Variants in RYR3 observed in about 807,000 individuals in gnomAD.
RYR3 encodes brain ryanodine receptor-calcium release channel.
Under a neutral mutation model 584.3 loss-of-function variants are expected in RYR3, and 207 were observed. The observed-to-expected ratio is 0.35, with a 90% CI of 0.32 to 0.40. The LOEUF (loss-of-function observed/expected upper bound fraction) is 0.40. Ranked by LOEUF, RYR3 falls within the 10% of genes least tolerant of loss-of-function variation. The pLI, the probability that RYR3 is intolerant of heterozygous loss-of-function variation, is 1.00. For missense variants in RYR3, 5,616 were observed against 6,089.2 expected, an observed-to-expected ratio of 0.92 and a Z score of 2.59; for synonymous variants, 2,416 against 2,248.5, an observed-to-expected ratio of 1.07 and a Z score of -2.11.
intron 36 of RYR3, 83 bp from the exon 37 acceptor site, chr15:33,669,271 G>GT (rs2063674900): frequency 2.1e-6 from 2 of 970,384 alleles, no homozygotes; most frequent in South Asian, 1.8e-5. Context: ...TGAAAAGAAT[G>GT]TAAGTGTCTG....
chr15:33,736,781 C>T (rs2069506889), intron 49 of RYR3, among the ~76,000 whole-genome samples: 1 of 123,836 alleles, frequency 8.1e-6, no homozygotes, highest in African/African-American at 2.8e-5. Context: ...TGGAGTCTTG[C>T]TCTGTCACCC....
At chr15:33,598,634 A>AG in intron 16 of RYR3, among the ~76,000 whole-genome samples, 1 of 85,966 alleles carries the variant, frequency 1.2e-5, no homozygotes, top group Non-Finnish European at 2.7e-5. Flanking sequence ...GAAGCAGGAC[A>AG]AAAAAAAAAA....
At chr15:33,834,944 A>G in intron 86 of RYR3, 24 bp from the exon 87 acceptor site, 4 of 1,600,944 alleles carry the variant, frequency 2.5e-6, no homozygotes, top group Non-Finnish European at 2.6e-6. Flanking sequence ...TTTAAGTGAC[A>G]TAAGAATGTC....
chr15:33,442,802 T>C (rs2046338539), intron 1 of RYR3, among the ~76,000 whole-genome samples: 1 of 152,244 alleles, frequency 6.6e-6, no homozygotes, highest in African/African-American at 2.4e-5. Flanking sequence ...ACAGCCAAAA[T>C]AGATGCTGCA....
intron 97 of RYR3, 148 bp from the exon 98 acceptor site, chr15:33,854,618 C>G (rs2079451408): frequency 8.9e-7 from 1 of 1,125,662 alleles, no homozygotes; most frequent in African/African-American, 1.6e-5. Flanking sequence ...AGATGGGGCT[C>G]ACTTAGCAGA....
intron 65 of RYR3, among the ~76,000 whole-genome samples, chr15:33,781,393 T>C (rs1166396292): frequency 6.6e-6 from 1 of 152,236 alleles, no homozygotes; most frequent in Non-Finnish European, 1.5e-5. Context: ...CAATGTTTTC[T>C]TAAAATATTG....
intron 86 of RYR3, among the ~76,000 whole-genome samples, chr15:33,834,548 G>C (rs898817119): frequency 6.6e-6 from 1 of 151,852 alleles, no homozygotes; most frequent in Non-Finnish European, 1.5e-5. Flanking sequence ...GGAAACAATA[G>C]GTAGATGAGG....
intron 12 of RYR3, among the ~76,000 whole-genome samples, chr15:33,575,439 T>C (rs947852344): frequency 6.6e-6 from 1 of 151,958 alleles, no homozygotes; most frequent in African/African-American, 2.4e-5. Context: ...CACAGCAAAA[T>C]CAAATTAGAA....
chr15:33,310,982 C>A lies in RYR3; in HGVS notation c.-64C>A. 3.8e-6 allele frequency: 5 copies of A among 1,332,894 alleles called. No individual in the cohort carries two copies. The highest frequency in any genetic ancestry group is 4.2e-6 in the Non-Finnish European group (4 of 952,702). 82.6% of individuals were successfully genotyped at this position (1,332,894 alleles called of 1,614,324 possible). A position where few individuals can be genotyped will look rare whatever the true frequency, so the allele number is the denominator to read the frequency against. On this transcript the variant is annotated 5_prime_UTR_variant, in exon 1 of 104. Coordinates refer to ENST00000634891, the MANE Select transcript of RYR3 (RefSeq NM_001036.6). ...AGAGCGCAGCAGCAGTCAGCGCACG[C>A]CGAGCGGCTGCCGGGGGAAGCAGAG...
chr15:33,800,367 C>T (rs2075856284), intron 67 of RYR3, among the ~76,000 whole-genome samples: 1 of 152,140 alleles, frequency 6.6e-6, no homozygotes, highest in African/African-American at 2.4e-5. Flanking sequence ...TCTTAGTGAC[C>T]AAGACTTGCC....
At chr15:33,638,788 G>A (rs569736459) in intron 27 of RYR3, among the ~76,000 whole-genome samples, 15 of 152,322 alleles carry the variant, frequency 9.8e-5, no homozygotes, top group African/African-American at 3.6e-4. Flanking sequence ...AATACAGAAT[G>A]AAAAGTCTAT....
chr15:33,444,899 G>GTA (rs1237005830), intron 1 of RYR3, among the ~76,000 whole-genome samples: 1 of 147,682 alleles, frequency 6.8e-6, no homozygotes, highest in Non-Finnish European at 1.5e-5. Context: ...AAAACTTAAA[G>GTA]TATAAAAAAA....
At chr15:33,324,683 T>C (rs1291567451) in intron 1 of RYR3, among the ~76,000 whole-genome samples, 4 of 152,206 alleles carry the variant, frequency 2.6e-5, no homozygotes, top group Non-Finnish European at 5.9e-5. Flanking sequence ...TAGCATATAG[T>C]AGGTCTCTGT....
intron 1 of RYR3, among the ~76,000 whole-genome samples, chr15:33,463,556 A>G (rs2048216300): frequency 6.6e-6 from 1 of 152,176 alleles, no homozygotes; most frequent in African/African-American, 2.4e-5. Context: ...TTCTGGAGAA[A>G]AATGTCATAG....
intron 5 of RYR3, among the ~76,000 whole-genome samples, chr15:33,534,021 A>G (rs2055107961): frequency 6.6e-6 from 1 of 152,258 alleles, no homozygotes; most frequent in African/African-American, 2.4e-5. Flanking sequence ...GTAATTGAAG[A>G]GATGTTGACA....
rs368394901 is a variant in RYR3, at chr15:33,662,678, G to T, written c.5148G>T (p.Gly1716=). Reference sequence around the variant, plus strand: ...CCCACATCCGAGACCCTGTAGGGGGGTCTGTGGAGTTCCAGTTTGTGCCTG... The same window carrying T: ...CCCACATCCGAGACCCTGTAGGGGGTTCTGTGGAGTTCCAGTTTGTGCCTG... ...SGAHIRDPVG[G]SVEFQFVPVL... The change falls in exon 35 of 104, where the codon GGG becomes GGT. Residue 1716 remains glycine (G), a synonymous_variant. Coordinates refer to ENST00000634891, the MANE Select transcript of RYR3 (RefSeq NM_001036.6). The T allele has an allele frequency of 1.4e-5, 23 of 1,614,078 alleles. No homozygotes were observed. The highest frequency in any genetic ancestry group is 6.7e-5 in the East Asian group (3 of 44,900).
chr15:33,662,259 G>A lies in RYR3; in HGVS notation c.4729G>A (p.Ala1577Thr), dbSNP rs1190717797. 3 of 1,610,230 alleles carry A rather than the reference G, an allele frequency of 1.9e-6. No individual in the cohort carries two copies. The highest frequency in any genetic ancestry group is 2.7e-5 in the African/African-American group (2 of 74,878). Residue 1577 changes from alanine (A) to threonine (T), a missense_variant, in exon 35 of 104, where the codon GCC becomes ACC. Around this residue, in one of 9 missense-constraint regions of RYR3, gnomAD observed 753 missense variants for 741.0 expected, o/e 1.02. Transcript: ENST00000634891. ...AVCALGNSRV[A>T]YALCSHVDLS... ...GTGCGCCCTGGGAAACAGCCGCGTG[G>A]CCTACGCCCTGTGCAGCCACGTGGA... is the stretch of plus-strand genomic sequence containing the variant.
In RYR3 at chr15:33,854,807, G is replaced by T; in HGVS notation, c.13902G>T (p.Leu4634=). ...CCTGGTATACAACCATGTCAGTCCTGGGCCACTACAATAACTTCTTCTTTG... is the reference window on the plus strand; with the variant it reads ...CCTGGTATACAACCATGTCAGTCCTTGGCCACTACAATAACTTCTTCTTTG... ...YLAWYTTMSV[L]GHYNNFFFAA... Residue 4634 remains leucine (L), a synonymous_variant, in exon 98 of 104, where the codon CTG becomes CTT. Transcript: ENST00000634891. 1 of 1,613,658 alleles carries T rather than the reference G, an allele frequency of 6.2e-7. No individual in the cohort carries two copies. Among genetic ancestry groups the T allele is most frequent in the Non-Finnish European group, 8.5e-7 (1 of 1,179,752 alleles).
At chr15:33,433,855 A>G (rs1490615296) in intron 1 of RYR3, among the ~76,000 whole-genome samples, 1 of 152,146 alleles carries the variant, frequency 6.6e-6, no homozygotes, top group African/African-American at 2.4e-5. Flanking sequence ...ATTTCTTTTC[A>G]AGTCCCATTT....
Sources: gnomAD v4.1 joint callset for allele counts (sites outside exome capture counted in the v4.1 genomes callset) on GRCh38, gnomAD v4.1.1 for gene constraint, gnomAD v4.1.1 regional missense constraint, MANE v1.5 for transcripts, NCBI Gene and HGNC (gene_info 2026-07-23, HGNC 2026-07-21) for gene names.